THAP6: variants seen among roughly 807,000 people sequenced by gnomAD.
The protein encoded by THAP6 is THAP domain containing 6.
Under a neutral mutation model 20.0 loss-of-function variants are expected in THAP6, and 13 were observed. The ratio of observed to expected loss-of-function variants is 0.65; its 90% confidence interval spans 0.42 to 1.03. The LOEUF (loss-of-function observed/expected upper bound fraction) is 1.03. Among genes scored for constraint, THAP6 ranks in the 50% least tolerant of loss-of-function variants. The probability of loss-of-function intolerance (pLI) is 0.00; values close to 1 mark genes in which losing one functional copy is unlikely to be tolerated. For synonymous variants in THAP6, 93 were observed against 92.2 expected, an observed-to-expected ratio of 1.01 and a Z score of -0.05; for missense variants, 262 against 261.6, an observed-to-expected ratio of 1.00 and a Z score of -0.01.
At position 75,529,320 on chromosome 4, in the gene THAP6, C is replaced by T. The variant is rs1726574880; in HGVS notation, c.*2106C>T. 1.0e-6 allele frequency: 1 copy of T among 985,264 alleles called. No homozygotes were observed. Among genetic ancestry groups the T allele is most frequent in the Non-Finnish European group, 1.2e-6 (1 of 829,928 alleles). 61.0% of individuals were successfully genotyped at this position (985,264 alleles called of 1,614,324 possible). ...CTTAGAATACACCAAACCTGGAAGA[C>T]CTTTCCAAGAGTAAAATCCCAGTCT... is the stretch of plus-strand genomic sequence containing the variant. On this transcript the variant is annotated 3_prime_UTR_variant, in exon 5 of 5. Coordinates refer to ENST00000311638, the MANE Select transcript of THAP6 (RefSeq NM_144721.6).
intron 3 of THAP6, among the ~76,000 whole-genome samples, chr4:75,544,099 T>A (rs975204244): frequency 6.6e-6 from 1 of 152,154 alleles, no homozygotes; most frequent in Non-Finnish European, 1.5e-5. Context: ...ACACTTTTTA[T>A]AATGGAAAGT....
At chr4:75,539,756 A>G in intron 2 of THAP6, 6 of 1,489,448 alleles carry the variant, frequency 4.0e-6, no homozygotes, top group Non-Finnish European at 5.4e-6. Context: ...CACCTTACCC[A>G]TTGGTGGTGA....
chr4:75,515,530 C>T lies in THAP6; in HGVS notation c.78C>T (p.His26=). 1 of 1,613,326 alleles carries T rather than the reference C, an allele frequency of 6.2e-7. No homozygotes were observed. The highest frequency in any genetic ancestry group is 8.5e-7 in the Non-Finnish European group (1 of 1,179,314). Residue 26 remains histidine (H), a splice_region_variant and synonymous_variant, in exon 2 of 5, where the codon CAC becomes CAT. Coordinates refer to ENST00000311638, the MANE Select transcript of THAP6 (RefSeq NM_144721.6). ...CGAAGTTAAAAGGACTGACATTTCA[C>T]GTGTAAGATTTTGCTGTAGTTAAGC... ...PNSKLKGLTF[H]VFPTDENIKR... is the part of the protein sequence containing the mutation.
chr4:75,544,346 T>G (rs1727078718), intron 3 of THAP6: 1 of 152,172 alleles, frequency 6.6e-6, no homozygotes, highest in Non-Finnish European at 1.5e-5. Context: ...TCTCACTCCA[T>G]CACCCAGGCT....
intron 4 of THAP6, among the ~76,000 whole-genome samples, chr4:75,524,241 T>C (rs1041408424): frequency 6.6e-6 from 1 of 152,220 alleles, no homozygotes; most frequent in Non-Finnish European, 1.5e-5. Flanking sequence ...CCTTTCTCAA[T>C]CTTTGTGCTA....
chr4:75,527,389 G>T lies in THAP6; in HGVS notation c.*175G>T. ...TTTTGAAAATATGCAGAAATTTGTG[G>T]TAATTATGTATTTGTGTCTTGTGAC... On this transcript the variant is annotated 3_prime_UTR_variant, in exon 5 of 5. Coordinates refer to ENST00000311638, the MANE Select transcript of THAP6 (RefSeq NM_144721.6). 7.1e-7 allele frequency: 1 copy of T among 1,413,636 alleles called. No homozygotes were observed. Among genetic ancestry groups the T allele is most frequent in the Non-Finnish European group, 9.2e-7 (1 of 1,086,906 alleles). The allele number at this position is 1,413,636 out of a possible 1,614,324, so 87.6% of individuals were successfully genotyped here.
In THAP6 at chr4:75,529,434, GAAAT is replaced by G; in HGVS notation, c.*2227_*2230del. On this transcript the variant is annotated 3_prime_UTR_variant, in exon 5 of 5. Transcript: ENST00000311638. The stretch of plus-strand genomic sequence containing the variant: ...TTTTCACTGGACCTAGTATAACTGA[GAAAT>G]AAATAACTGTGTGCAAAATATTGGT... 3.0e-6 allele frequency: 3 copies of G among 985,350 alleles called. No individual in the cohort carries two copies. The highest frequency in any genetic ancestry group is 3.6e-6 in the Non-Finnish European group (3 of 829,928). 61.0% of individuals were successfully genotyped at this position (985,350 alleles called of 1,614,324 possible). A position where few individuals can be genotyped will look rare whatever the true frequency, so the allele number is the denominator to read the frequency against.
chr4:75,526,438 C>A (rs1726372706), intron 4 of THAP6, among the ~76,000 whole-genome samples: 2 of 152,112 alleles, frequency 1.3e-5, no homozygotes, highest in Admixed American at 1.3e-4. Flanking sequence ...GCATACCCAG[C>A]AAATTTAAGC....
chr4:75,531,916 C>T (rs1033966883), downstream of THAP6, among the ~76,000 whole-genome samples: 1 of 152,060 alleles, frequency 6.6e-6, no homozygotes, highest in South Asian at 2.1e-4. Flanking sequence ...TCCCACAACA[C>T]ATGGGAATTA....
At chr4:75,532,807 G>T (rs1726725211), downstream of THAP6, among the ~76,000 whole-genome samples, 1 of 152,168 alleles carries the variant, frequency 6.6e-6, no homozygotes, top group Non-Finnish European at 1.5e-5. Context: ...GCTCCTTTCA[G>T]CCATGGCTGG....
chr4:75,514,297 T>C (rs756129340), upstream of THAP6: 8 of 1,607,492 alleles, frequency 5.0e-6, no homozygotes, highest in South Asian at 8.8e-5. Context: ...CTCCTCCACC[T>C]CCCCTCACAT....
chr4:75,531,285 C>T (rs1174626588), downstream of THAP6, among the ~76,000 whole-genome samples: 3 of 152,134 alleles, frequency 2.0e-5, no homozygotes, highest in East Asian at 5.8e-4. Flanking sequence ...AATGAGCTTC[C>T]CTGGTAGGCA....
At position 75,545,937 on chromosome 4, in the gene THAP6, C is replaced by G. The variant is rs889648266; in HGVS notation, c.243+3451C>G. Among the ~76,000 whole-genome samples the G allele has an allele frequency of 2.6e-5, 4 of 152,156 alleles. No individual in the cohort carries two copies. The South Asian group carries it at 8.3e-4, about 32-fold the overall frequency. ...CTTGAGGGTGTGAGAGGCAGCTCTG[C>G]GGGCCCACCCTAGAACTGCGTGTGG... On this transcript the variant is annotated intron_variant, in intron 3 of 4. Coordinates refer to the THAP6 transcript ENST00000502620.
chr4:75,533,185 C>A (rs147547037), downstream of THAP6, among the ~76,000 whole-genome samples: 57 of 152,268 alleles, frequency 3.7e-4, 1 homozygote, highest in East Asian at 0.01. Context: ...AAATTGCTTC[C>A]ACCAGATACC....
Position 75,537,166 on chromosome 4 carries a change from C to T in THAP6, c.166-5243C>T, listed in dbSNP as rs565020498. 1.6e-4 allele frequency among the ~76,000 whole-genome samples: 24 copies of T among 152,106 alleles called. 1 individual carries two copies. Among genetic ancestry groups the T allele is most frequent in the African/African-American group, 5.3e-4 (22 of 41,518 alleles). On this transcript the variant is annotated intron_variant, in intron 2 of 4. Coordinates refer to the THAP6 transcript ENST00000502620. ...GAAAACAGTCCTGCAGGGAGAAGAA[C>T]GTGGTCTCAGAAGTCTAGGGGGGGC...
intron 4 of THAP6, among the ~76,000 whole-genome samples, chr4:75,523,597 A>C (rs909654759): frequency 1.3e-5 from 2 of 152,112 alleles, no homozygotes; most frequent in Non-Finnish European, 2.9e-5. Flanking sequence ...TGAGCTCAGG[A>C]GTTCGAGACC....
At chr4:75,539,821 C>G (rs1726957524) in intron 2 of THAP6, 3 of 1,535,838 alleles carry the variant, frequency 2.0e-6, no homozygotes, top group Non-Finnish European at 2.6e-6. Flanking sequence ...CATCCACATA[C>G]TGTTTTTCTT....
downstream of THAP6, among the ~76,000 whole-genome samples, chr4:75,530,472 A>G (rs1338881164): frequency 6.6e-6 from 1 of 152,168 alleles, no homozygotes; most frequent in Non-Finnish European, 1.5e-5. Flanking sequence ...TGAATTTCAT[A>G]AGTTTTATCT....
chr4:75,545,425 G>C (rs952747213), intron 3 of THAP6, among the ~76,000 whole-genome samples: 2 of 152,164 alleles, frequency 1.3e-5, no homozygotes, highest in Non-Finnish European at 2.9e-5. Context: ...CTAGAGGTGT[G>C]GTTAAGGTGC....
Sources: gnomAD v4.1 joint callset for allele counts (sites outside exome capture counted in the v4.1 genomes callset) on GRCh38, gnomAD v4.1.1 for gene constraint, MANE v1.5 for transcripts, NCBI Gene and HGNC (gene_info 2026-07-23, HGNC 2026-07-21) for gene names.